GDF1: variants seen among roughly 807,000 people sequenced by gnomAD.
GDF1 encodes embryonic growth/differentiation factor 1.
In GDF1, 8 loss-of-function variants were observed where a neutral mutation model predicts 7.4. That is an observed-to-expected ratio of 1.09 (90% CI 0.64 to 1.96). The LOEUF (loss-of-function observed/expected upper bound fraction) is 1.96, where lower values mean the gene tolerates loss of function less well. Among genes scored for constraint, GDF1 ranks in the 30% most tolerant of loss-of-function variants. The pLI is 0.00. For missense variants in GDF1, 574 were observed against 551.5 expected (o/e 1.04, Z -0.41); for synonymous variants, 311 against 276.7 (o/e 1.12, Z -1.23).
In GDF1 at chr19:18,879,918, C is replaced by T. The variant is rs188424911; in HGVS notation, c.-571+356G>A. Among the ~76,000 whole-genome samples, 393 of 151,424 alleles carry T rather than the reference C, an allele frequency of 2.6e-3. 1 individual carries two copies. The highest frequency in any genetic ancestry group is 4.5e-3 in the Admixed American group (68 of 15,174). ...CTTTCTCTGCCTAGCCCTACCCCAA[C>T]CCTGCTTGGCCCCACCCCTGGCTTG... On this transcript the variant is annotated intron_variant, in intron 4 of 7. Transcript: ENST00000247005.
chr19:18,873,854 A>AAAG (rs1310534782), intron 6 of GDF1, among the ~76,000 whole-genome samples: 1 of 151,318 alleles, frequency 6.6e-6, no homozygotes, highest in Non-Finnish European at 1.5e-5. Context: ...AAAAAAAAAA[A>AAAG]AAGAAGAAGA....
chr19:18,885,144 T>C (rs986399080), intron 2 of GDF1, among the ~76,000 whole-genome samples: 5 of 152,218 alleles, frequency 3.3e-5, no homozygotes, highest in Non-Finnish European at 7.3e-5. Context: ...TTAAGTGGTA[T>C]ATTTGCTACA....
At position 18,895,805 on chromosome 19, in the gene GDF1, G is replaced by T; in HGVS notation, c.-1074+19C>A. 1.6e-6 allele frequency: 2 copies of T among 1,220,792 alleles called. No individual in the cohort carries two copies. Among genetic ancestry groups the T allele is most frequent in the Admixed American group, 9.2e-5 (2 of 21,834 alleles). 75.6% of individuals were successfully genotyped at this position (1,220,792 alleles called of 1,614,324 possible). The stretch of plus-strand genomic sequence containing the variant: ...CCCCAGTCCGGGGTCCCCTCGTCCC[G>T]GCCCCCGGCCACACTGACCCGAAAG... On this transcript the variant is annotated intron_variant, in intron 1 of 7. Coordinates refer to ENST00000247005, the MANE Select transcript of GDF1 (RefSeq NM_001492.6). This position sits in a 1 kb window ranked among gnomAD's most constrained non-coding sequence, Gnocchi z 6.4.
intron 2 of GDF1, among the ~76,000 whole-genome samples, chr19:18,891,151 G>A (rs1031949039): frequency 6.6e-6 from 1 of 151,590 alleles, no homozygotes; most frequent in African/African-American, 2.4e-5. Flanking sequence ...ATGAGAGTTC[G>A]ATCATGGGTC....
intron 2 of GDF1, among the ~76,000 whole-genome samples, chr19:18,892,771 T>C (rs1174473332): frequency 6.6e-6 from 1 of 151,934 alleles, no homozygotes; most frequent in African/African-American, 2.4e-5. Context: ...CACACAGGGG[T>C]CCTTCCAGGA....
Position 18,868,838 on chromosome 19 carries a change from G to C in GDF1, c.878C>G (p.Ala293Gly). The change falls in exon 8 of 8, where the codon GCC becomes GGC. Residue 293 changes from alanine (A) to glycine (G), a missense_variant. Physicochemically the swap from Ala to Gly is moderately conservative, Grantham distance 60. Coordinates refer to ENST00000247005, the MANE Select transcript of GDF1 (RefSeq NM_001492.6). Reference sequence around the variant, plus strand: ...CGCGCACTGACCCTGGCAGTAGTTGGCCAGGAAGCCGCGCGGCGCGATGAC... The same window carrying C: ...CGCGCACTGACCCTGGCAGTAGTTGCCCAGGAAGCCGCGCGGCGCGATGAC... Reference protein sequence around the residue: ...RWVIAPRGFLANYCQGQCALP... With the variant: ...RWVIAPRGFLGNYCQGQCALP... 1 of 1,452,844 alleles carries C rather than the reference G, an allele frequency of 6.9e-7. No individual in the cohort carries two copies. 90.0% of individuals were successfully genotyped at this position (1,452,844 alleles called of 1,614,324 possible). A position where few individuals can be genotyped will look rare whatever the true frequency, so the allele number is the denominator to read the frequency against.
At chr19:18,889,465 G>A (rs2056441617) in intron 2 of GDF1, among the ~76,000 whole-genome samples, 1 of 152,120 alleles carries the variant, frequency 6.6e-6, no homozygotes, top group African/African-American at 2.4e-5. Flanking sequence ...CAACCTGGCT[G>A]GAATGTAGTG....
intron 6 of GDF1, among the ~76,000 whole-genome samples, chr19:18,871,094 CT>C (rs760333836): frequency 2.5e-3 from 368 of 144,764 alleles, no homozygotes; most frequent in Middle Eastern, 3.5e-3. Context: ...TTTTATTTTC[CT>C]TTTTTTTTTT....
intron 6 of GDF1, among the ~76,000 whole-genome samples, chr19:18,877,392 G>A (rs886122088): frequency 6.6e-6 from 1 of 152,180 alleles, no homozygotes; most frequent in Admixed American, 6.5e-5. Flanking sequence ...GGCCAAACTG[G>A]TGCCCCCTTT....
chr19:18,872,950 G>A (rs574480074), intron 6 of GDF1, among the ~76,000 whole-genome samples: 1 of 152,326 alleles, frequency 6.6e-6, no homozygotes, highest in East Asian at 1.9e-4. Flanking sequence ...ATGCCGGGCC[G>A]AGATGGCCTT....
At chr19:18,871,413 G>C (rs2055968184) in intron 6 of GDF1, among the ~76,000 whole-genome samples, 1 of 151,898 alleles carries the variant, frequency 6.6e-6, no homozygotes, top group Admixed American at 6.6e-5. Context: ...GTAGAGACAG[G>C]GTTTCACCAT....
chr19:18,875,581 A>G (rs1460047121), intron 6 of GDF1, among the ~76,000 whole-genome samples: 1 of 151,712 alleles, frequency 6.6e-6, no homozygotes. Flanking sequence ...TTCAACTGTT[A>G]AAACGGTAAT....
chr19:18,894,275 C>T (rs928071290), intron 1 of GDF1, among the ~76,000 whole-genome samples: 1 of 151,838 alleles, frequency 6.6e-6, no homozygotes, highest in Non-Finnish European at 1.5e-5. Context: ...GGGCGCGGCT[C>T]CAGAGCTGCC....
At position 18,869,105 on chromosome 19, in the gene GDF1, G is replaced by A; in HGVS notation, c.611C>T (p.Ala204Val). 7 of 1,081,882 alleles carry A rather than the reference G, an allele frequency of 6.5e-6. No individual in the cohort carries two copies. Among genetic ancestry groups the A allele is most frequent in the Non-Finnish European group, 7.9e-6 (7 of 891,240 alleles). The allele number at this position is 1,081,882 out of a possible 1,614,324, so 67.0% of individuals were successfully genotyped here. A position where few individuals can be genotyped will look rare whatever the true frequency, so the allele number is the denominator to read the frequency against. ...VRAELLGAAW[A>V]RNASWPRSLR... Reference sequence around the variant, plus strand: ...GCTGCGCGGCCATGAGGCGTTGCGAGCCCAAGCGGCGCCCAGCAGCTCCGC... The same window carrying A: ...GCTGCGCGGCCATGAGGCGTTGCGAACCCAAGCGGCGCCCAGCAGCTCCGC... Residue 204 changes from alanine to valine, a missense_variant, in exon 8 of 8, where the codon GCT becomes GTT. Physicochemically the swap from Ala to Val is moderately conservative, Grantham distance 64 (BLOSUM62 0). Transcript: ENST00000247005.
chr19:18,886,172 G>A lies in GDF1; in HGVS notation c.-913-1905C>T, dbSNP rs182702758. On this transcript the variant is annotated intron_variant, in intron 2 of 7. Coordinates refer to ENST00000247005, the MANE Select transcript of GDF1 (RefSeq NM_001492.6). ...TGTAATCCCAGCATTTTGAGAGGCCGAGGCAGGAGAGTTGCTTGAGTCCAG... is the reference window on the plus strand; with the variant it reads ...TGTAATCCCAGCATTTTGAGAGGCCAAGGCAGGAGAGTTGCTTGAGTCCAG... 2.6e-3 allele frequency among the ~76,000 whole-genome samples: 400 copies of A among 152,068 alleles called. 4 individuals are homozygous for A. The highest frequency in any genetic ancestry group is 1.9e-3 in the Non-Finnish European group (128 of 68,018).
At chr19:18,875,828 T>TG (rs1415393118) in intron 6 of GDF1, among the ~76,000 whole-genome samples, 4 of 152,276 alleles carry the variant, frequency 2.6e-5, no homozygotes, top group Admixed American at 2.6e-4. Flanking sequence ...AGACTGAGAC[T>TG]GGAGCAATGC....
intron 2 of GDF1, among the ~76,000 whole-genome samples, chr19:18,887,187 C>T (rs2056382919): frequency 6.6e-6 from 1 of 152,216 alleles, no homozygotes; most frequent in South Asian, 2.1e-4. Flanking sequence ...AAGAATGAAG[C>T]ACGGATCCAT....
Position 18,896,022 on chromosome 19 carries a change from C to T in GDF1, c.-1272G>A. The T allele has an allele frequency of 1.0e-6, 1 of 1,004,852 alleles. No individual in the cohort carries two copies. The highest frequency in any genetic ancestry group is 1.8e-5 in the African/African-American group (1 of 57,054). The allele number at this position is 1,004,852 out of a possible 1,614,324, so 62.2% of individuals were successfully genotyped here. On this transcript the variant is annotated 5_prime_UTR_variant, in exon 1 of 8. Transcript: ENST00000247005. The surrounding 1 kb of genome is among the most constrained non-coding windows in gnomAD (Gnocchi z 5.9). The stretch of plus-strand genomic sequence containing the variant: ...CGCGCTGCACTAGCTGCGCGTAGCT[C>T]GGCATGGGCTCGGGCCCCGTCGGCC...
chr19:18,870,055 CCCCTGGGGACGTCCGCCG>C lies in GDF1; in HGVS notation c.235_252del (p.Arg79_Gly84del). ...TCCACGTGGCACGGTTGCAGGGTGACCCCTGGGGACGTCCGCCGCGAGCCAGACCTGGTCTCCTGGGGG... is the reference window on the plus strand; with the variant it reads ...TCCACGTGGCACGGTTGCAGGGTGACCGAGCCAGACCTGGTCTCCTGGGGG... On this transcript the variant is annotated inframe_deletion, in exon 7 of 8. Transcript: ENST00000247005. The surrounding 1 kb of genome is among the most constrained non-coding windows in gnomAD (Gnocchi z 5.1). 6.3e-7 allele frequency: 1 copy of C among 1,589,660 alleles called. No homozygotes were observed. Among genetic ancestry groups the C allele is most frequent in the Non-Finnish European group, 8.5e-7 (1 of 1,172,172 alleles).
Sources: gnomAD v4.1 joint callset for allele counts (sites outside exome capture counted in the v4.1 genomes callset) on GRCh38, gnomAD v4.1.1 for gene constraint, Gnocchi (gnomAD v3.1) non-coding constraint, MANE v1.5 for transcripts, NCBI Gene and HGNC (gene_info 2026-07-23, HGNC 2026-07-21) for gene names.